The following ACAP2 variants were observed in gnomAD, a reference collection of about 807,000 sequenced individuals.
ACAP2 encodes the protein ArfGAP with coiled-coil, ankyrin repeat and PH domains 2, also known as arf-GAP with coiled-coil, ANK repeat and PH domain-containing protein 2.
Under a neutral mutation model 115.8 loss-of-function variants are expected in ACAP2, and 39 were observed. The observed-to-expected ratio is 0.34, with a 90% confidence interval of 0.26 to 0.44. ACAP2 has a LOEUF of 0.44. ACAP2 is among the 20% of genes least tolerant of loss of function. ACAP2 has a pLI of 1.00. For missense variants in ACAP2, 662 were observed against 927.6 expected (o/e 0.71, Z 3.72); for synonymous variants, 289 against 315.8 (o/e 0.92, Z 0.90).
intron 1 of ACAP2, among the ~76,000 whole-genome samples, chr3:195,432,075 G>A (rs1162935764): frequency 1.3e-5 from 2 of 152,108 alleles, no homozygotes; most frequent in African/African-American, 2.4e-5. Flanking sequence ...GAGTTGCAGA[G>A]CTTTACATTC....
At chr3:195,359,749 G>A (rs531272095) in intron 4 of ACAP2, among the ~76,000 whole-genome samples, 1 of 152,246 alleles carries the variant, frequency 6.6e-6, no homozygotes, top group Non-Finnish European at 1.5e-5. Flanking sequence ...TTACAGGCGT[G>A]AGCCATCGCG....
chr3:195,383,428 A>G lies in ACAP2; in HGVS notation c.112-1406T>C, dbSNP rs1358444764. ...TACTCCAGCCAGTGGGGGAAAAGTTATCTGATAAATGATATTAGGGACACT... is the reference window on the plus strand; with the variant it reads ...TACTCCAGCCAGTGGGGGAAAAGTTGTCTGATAAATGATATTAGGGACACT... On this transcript the variant is annotated intron_variant, in intron 2 of 22. Transcript: ENST00000326793. 4.6e-5 allele frequency among the ~76,000 whole-genome samples: 7 copies of G among 152,258 alleles called. No homozygotes were observed. In the East Asian group the frequency reaches 1.3e-3, roughly 29 times the overall value.
chr3:195,343,230 T>G (rs1439218718), intron 5 of ACAP2, among the ~76,000 whole-genome samples: 1 of 152,194 alleles, frequency 6.6e-6, no homozygotes, highest in African/African-American at 2.4e-5. Flanking sequence ...TAATTGTTTT[T>G]CTAAAGACAA....
In ACAP2 at chr3:195,313,456, G is replaced by A. The variant is rs998380697; in HGVS notation, c.858-4619C>T. Among the ~76,000 whole-genome samples, 20 of 152,296 alleles carry A rather than the reference G, an allele frequency of 1.3e-4. No individual in the cohort carries two copies. The South Asian group carries it at 3.5e-3, about 27-fold the overall frequency. ...ATAAAGAAAGTAGGTTCACTAAATA[G>A]AGGATGTCAAAGATTATAAAATATT... On this transcript the variant is annotated intron_variant, in intron 10 of 22. Coordinates refer to ENST00000326793, the MANE Select transcript of ACAP2 (RefSeq NM_012287.6).
At chr3:195,330,060 C>T (rs1335407000) in intron 8 of ACAP2, among the ~76,000 whole-genome samples, 1 of 152,104 alleles carries the variant, frequency 6.6e-6, no homozygotes, top group African/African-American at 2.4e-5. Context: ...CATCAACTCA[C>T]CCACTCTTGT....
chr3:195,378,546 C>CA (rs1481637874), intron 4 of ACAP2, among the ~76,000 whole-genome samples: 25 of 151,476 alleles, frequency 1.7e-4, no homozygotes. Context: ...TCTATTCCTC[C>CA]AAAGGAAATA....
intron 1 of ACAP2, among the ~76,000 whole-genome samples, chr3:195,396,793 GAAAAA>G (rs62983860): frequency 8.7e-4 from 80 of 91,804 alleles, no homozygotes; most frequent in African/African-American, 3.1e-3. Flanking sequence ...TCTCAAAAAA[GAAAAA>G]AAAAAAAAAA....
In ACAP2 at chr3:195,346,194, T is replaced by C. The variant is rs569754699; in HGVS notation, c.286-877A>G. 1.6e-3 allele frequency among the ~76,000 whole-genome samples: 245 copies of C among 152,296 alleles called. 1 individual carries two copies. Among genetic ancestry groups the C allele is most frequent in the African/African-American group, 5.6e-3 (232 of 41,576 alleles). On this transcript the variant is annotated intron_variant, in intron 4 of 22. Transcript: ENST00000326793. ...ATTTACTTCCAGAGAGAAATTTAAT[T>C]TTGTCTGTATTATGTTAAACTCAAA...
At chr3:195,372,038 A>C (rs560101404) in intron 4 of ACAP2, among the ~76,000 whole-genome samples, 10 of 152,350 alleles carry the variant, frequency 6.6e-5, no homozygotes, top group African/African-American at 2.2e-4. Flanking sequence ...TCATACAGGA[A>C]GATTTGCAGG....
At chr3:195,291,548 T>C (rs1189985516) in intron 20 of ACAP2, among the ~76,000 whole-genome samples, 158 bp downstream of exon 20, 8 of 152,096 alleles carry the variant, frequency 5.3e-5, no homozygotes. Flanking sequence ...CTGAAAGAGA[T>C]TTTTTTTAAC....
At chr3:195,355,322 C>A (rs1731887247) in intron 4 of ACAP2, among the ~76,000 whole-genome samples, 1 of 139,134 alleles carries the variant, frequency 7.2e-6, no homozygotes, top group African/African-American at 2.7e-5. Flanking sequence ...GTTCTTAAAG[C>A]CCTTCCTCAT....
chr3:195,317,453 TACTACTCATATTACAGAATTTTTTTG>T (rs1212830265), intron 10 of ACAP2, among the ~76,000 whole-genome samples: 1 of 152,188 alleles, frequency 6.6e-6, no homozygotes, highest in Non-Finnish European at 1.5e-5. Context: ...AGAATCCAAC[TACTACTCATATTACAGAATTTTTTTG>T]ACTACTTTTT....
chr3:195,337,952 TCAACCTGAGCCTGGGGCCACTCCC>T (rs1730620352), intron 6 of ACAP2, among the ~76,000 whole-genome samples: 1 of 151,406 alleles, frequency 6.6e-6, no homozygotes, highest in Non-Finnish European at 1.5e-5. Flanking sequence ...CACTCCCACC[TCAACCTGAGCCTGGGGCCACTCCC>T]ACCTCAATGC....
chr3:195,371,059 T>A (rs1223255497), intron 4 of ACAP2, among the ~76,000 whole-genome samples: 2 of 152,192 alleles, frequency 1.3e-5, no homozygotes, highest in Admixed American at 6.5e-5. Flanking sequence ...CTTTTTTGGT[T>A]CCATATAAAT....
chr3:195,371,803 A>G (rs1055470862), intron 4 of ACAP2, among the ~76,000 whole-genome samples: 5 of 152,108 alleles, frequency 3.3e-5, no homozygotes, highest in Admixed American at 6.6e-5. Flanking sequence ...TAGGTAATAC[A>G]GGCACACACC....
intron 4 of ACAP2, chr3:195,356,235 T>G (rs1731960277): frequency 2.2e-6 from 1 of 455,716 alleles, no homozygotes; most frequent in Non-Finnish European, 4.4e-6. Flanking sequence ...CGGAACGCAG[T>G]GCTGCCAATC....
chr3:195,413,756 A>G (rs1713481445), intron 1 of ACAP2, among the ~76,000 whole-genome samples: 1 of 152,098 alleles, frequency 6.6e-6, no homozygotes, highest in South Asian at 2.1e-4. Context: ...GTCTCTCAAA[A>G]CAAAAACAAA....
chr3:195,375,523 A>T (rs964511662), intron 4 of ACAP2, among the ~76,000 whole-genome samples: 136 of 147,204 alleles, frequency 9.2e-4, no homozygotes, highest in African/African-American at 3.3e-3. Flanking sequence ...AAAAAAAAAA[A>T]AATACTGGCC....
intron 4 of ACAP2, among the ~76,000 whole-genome samples, chr3:195,372,652 G>A (rs1012777453): frequency 1.3e-5 from 2 of 151,586 alleles, no homozygotes; most frequent in Admixed American, 6.6e-5. Context: ...GAAGACCCCC[G>A]CTCTACAAAA....
Sources: allele counts gnomAD v4.1 joint callset (sites outside exome capture counted in the v4.1 genomes callset), GRCh38; gene constraint gnomAD v4.1.1; transcripts MANE v1.5; gene names NCBI Gene and HGNC (gene_info 2026-07-23, HGNC 2026-07-21).